Variants in MIAT observed in about 807,000 individuals in gnomAD.
The protein encoded by MIAT is MI related novel mRNA.
At chr22:26,658,305 C>T (rs1393434848) in intron 2 of MIAT, 1 of 152,224 alleles carries the variant, frequency 6.6e-6, no homozygotes, top group Non-Finnish European at 1.5e-5. Context: ...GTGCTTGGTG[C>T]TTTGCAAGCG....
chr22:26,655,715 A>G (rs1324672522), intron 2 of MIAT, among the ~76,000 whole-genome samples: 1 of 152,238 alleles, frequency 6.6e-6, no homozygotes, highest in East Asian at 1.9e-4. Context: ...GTTCTAGCAC[A>G]GTGGTTCTCC....
chr22:26,666,122 G>A, exon 4 of MIAT: 2 of 398,626 alleles, frequency 5.0e-6, no homozygotes, highest in Non-Finnish European at 8.8e-6. Flanking sequence ...CCCACTCCCG[G>A]GTGCTGACAG....
chr22:26,663,316 T>C, exon 3 of MIAT: 2 of 398,646 alleles, frequency 5.0e-6, no homozygotes, highest in Non-Finnish European at 4.4e-6. Context: ...TTGATGACAG[T>C]TGGAGGCATC....
intron 2 of MIAT, chr22:26,658,037 A>G (rs74511025): frequency 9.2e-6 from 1 of 108,178 alleles, no homozygotes; most frequent in African/African-American, 3.6e-5. Flanking sequence ...TTAGCAATTA[A>G]CTGGCCAAGC....
intron 2 of MIAT, among the ~76,000 whole-genome samples, chr22:26,656,331 T>C (rs1279004037): frequency 2.0e-5 from 3 of 149,504 alleles, no homozygotes; most frequent in South Asian, 2.1e-4. Context: ...CTTTTTCTTT[T>C]TTTTTTTTTT....
At chr22:26,664,226 G>T (rs1461832923) in intron 3 of MIAT, among the ~76,000 whole-genome samples, 1 of 152,000 alleles carries the variant, frequency 6.6e-6, no homozygotes, top group South Asian at 2.1e-4. Context: ...TGGCCAGGCT[G>T]GTCTCGAACT....
chr22:26,656,317 TTTTC>T (rs1236920997), intron 2 of MIAT, among the ~76,000 whole-genome samples: 3 of 149,496 alleles, frequency 2.0e-5, no homozygotes, highest in Non-Finnish European at 4.4e-5. Context: ...GCCCGGCCTC[TTTTC>T]TTTTTCTTTT....
intron 2 of MIAT, among the ~76,000 whole-genome samples, chr22:26,659,172 GC>G (rs1930566081): frequency 1.3e-5 from 2 of 152,140 alleles, no homozygotes; most frequent in African/African-American, 4.8e-5. Flanking sequence ...GTGGGCAGAT[GC>G]TTGGTTGAGG....
At chr22:26,668,153 C>T (rs983663876) in intron 5 of MIAT, 8 of 398,506 alleles carry the variant, frequency 2.0e-5, no homozygotes, top group Non-Finnish European at 3.5e-5. Context: ...TGTCTTCTCC[C>T]CCAGGTGGCT....
At chr22:26,663,816 A>G (rs952619814) in intron 3 of MIAT, among the ~76,000 whole-genome samples, 1 of 152,148 alleles carries the variant, frequency 6.6e-6, no homozygotes, top group Non-Finnish European at 1.5e-5. Flanking sequence ...CTGTGTAACC[A>G]TTGCCACAAT....
chr22:26,672,694 G>C (rs1931094496), downstream of MIAT: 1 of 399,104 alleles, frequency 2.5e-6, no homozygotes. Context: ...AGGCAGGAGG[G>C]GGCGTGCCCC....
downstream of MIAT, chr22:26,671,795 C>T (rs1016985089): frequency 1.5e-5 from 6 of 398,140 alleles, no homozygotes; most frequent in Admixed American, 4.4e-5. Flanking sequence ...TGAGGATTCC[C>T]GTCAATATAA....
At chr22:26,649,950 G>A (rs761667700) in intron 2 of MIAT, among the ~76,000 whole-genome samples, 1 of 152,146 alleles carries the variant, frequency 6.6e-6, no homozygotes, top group Admixed American at 6.5e-5. Context: ...CGACATCCTC[G>A]ACCTGGGGTA....
chr22:26,666,760 C>T, exon 4 of MIAT: 1 of 398,742 alleles, frequency 2.5e-6, no homozygotes, highest in Non-Finnish European at 4.4e-6. Flanking sequence ...GGCTCCTGGT[C>T]CTTCTTTCTT....
intron 2 of MIAT, chr22:26,657,583 C>T: frequency 7.5e-6 from 3 of 398,740 alleles, no homozygotes; most frequent in Non-Finnish European, 1.3e-5. Context: ...TGCAGGGGCT[C>T]CCCCAGTTCT....
At chr22:26,661,963 C>CAT (rs1181745094) in intron 2 of MIAT, among the ~76,000 whole-genome samples, 1,105 of 36,722 alleles carry the variant, frequency 0.03, 16 homozygotes, top group Middle Eastern at 0.056. Context: ...TATATATATA[C>CAT]ACACACACAC....
At chr22:26,661,317 G>A (rs1052014565) in intron 2 of MIAT, among the ~76,000 whole-genome samples, 1 of 152,216 alleles carries the variant, frequency 6.6e-6, no homozygotes, top group African/African-American at 2.4e-5. Flanking sequence ...CTGGCTAAGA[G>A]TGACATCTGT....
At chr22:26,661,442 G>A (rs1981493) in intron 2 of MIAT, among the ~76,000 whole-genome samples, 65,812 of 151,968 alleles carry the variant, frequency 0.43, 14,697 homozygotes, top group East Asian at 0.64. Context: ...AGGGAGGCGG[G>A]TGCTGAGCTA....
intron 3 of MIAT, chr22:26,665,321 C>T (rs78699720): frequency 0.024 from 9,599 of 392,224 alleles, 158 homozygotes; most frequent in Non-Finnish European, 0.034. Flanking sequence ...ACATTGAGTA[C>T]GTAGGAGTGA....
Sources: gnomAD v4.1 joint callset for allele counts (sites outside exome capture counted in the v4.1 genomes callset) on GRCh38, gnomAD v4.1.1 for gene constraint, MANE v1.5 for transcripts, NCBI Gene and HGNC (gene_info 2026-07-23, HGNC 2026-07-21) for gene names.